ZCCHC7: variants seen among roughly 807,000 people sequenced by gnomAD.
The protein encoded by ZCCHC7 is zinc finger CCHC-type containing 7.
In ZCCHC7, 35 loss-of-function variants were observed where a neutral mutation model predicts 52.0. The ratio of observed to expected loss-of-function variants is 0.67; its 90% CI spans 0.51 to 0.89. The LOEUF is 0.89. Among genes scored for constraint, ZCCHC7 ranks in the 40% least tolerant of loss-of-function variants. The pLI is 0.00. For missense variants in ZCCHC7, 574 were observed against 649.1 expected (o/e 0.88, Z 1.26); for synonymous variants, 217 against 221.5 (o/e 0.98, Z 0.18).
rs530742036 is a variant in ZCCHC7, at chr9:37,199,662, G to C, written c.610+72720G>C. Among the ~76,000 whole-genome samples, 1,136 of 124,412 alleles carry C rather than the reference G, an allele frequency of 9.1e-3. 15 individuals carry two copies. The highest frequency in any genetic ancestry group is 0.035 in the African/African-American group (1,070 of 30,200). The allele number at this position is 124,412 out of a possible 152,430, so 81.6% of individuals were successfully genotyped here. Reference sequence around the variant, plus strand: ...TGTTTCTTTTTCTGTCTGTCTGTCTGTCTGTCTTTCTCTCTGTCTGTCTGT... The same window carrying C: ...TGTTTCTTTTTCTGTCTGTCTGTCTCTCTGTCTTTCTCTCTGTCTGTCTGT... On this transcript the variant is annotated intron_variant, in intron 2 of 8. Transcript: ENST00000336755.
At chr9:37,220,890 A>G (rs952569559) in intron 2 of ZCCHC7, among the ~76,000 whole-genome samples, 1 of 152,194 alleles carries the variant, frequency 6.6e-6, no homozygotes, top group African/African-American at 2.4e-5. Context: ...TCTGGGGGCA[A>G]TTTTGTGAAG....
At position 37,147,887 on chromosome 9, in the gene ZCCHC7, T is replaced by A. The variant is rs1158169699; in HGVS notation, c.610+20945T>A. ...ACATTATAACATATTGGAGGTTGAT[T>A]GAAAGGGAGTTTTTGCCTCCATTTT... is the stretch of plus-strand genomic sequence containing the variant. On this transcript the variant is annotated intron_variant, in intron 2 of 8. Transcript: ENST00000336755. 2.0e-5 allele frequency among the ~76,000 whole-genome samples: 3 copies of A among 152,112 alleles called. No individual in the cohort carries two copies. The South Asian group carries it at 6.2e-4, about 31-fold the overall frequency.
chr9:37,253,796 A>G (rs758637049), intron 2 of ZCCHC7, among the ~76,000 whole-genome samples: 36 of 152,136 alleles, frequency 2.4e-4, no homozygotes, highest in Non-Finnish European at 5.2e-4. Context: ...ATAGATATGA[A>G]TGTTACCTCC....
chr9:37,178,026 T>C (rs1439941753), intron 2 of ZCCHC7, among the ~76,000 whole-genome samples: 1 of 152,200 alleles, frequency 6.6e-6, no homozygotes, highest in African/African-American at 2.4e-5. Context: ...ACCATACTAA[T>C]GTAAGATGTC....
At chr9:37,241,459 C>T (rs1421411054) in intron 2 of ZCCHC7, among the ~76,000 whole-genome samples, 1 of 151,658 alleles carries the variant, frequency 6.6e-6, no homozygotes, top group Admixed American at 6.6e-5. Context: ...CATATTTCAG[C>T]TAAAACATAC....
At chr9:37,278,014 T>G (rs553304610) in intron 2 of ZCCHC7, among the ~76,000 whole-genome samples, 85 of 145,030 alleles carry the variant, frequency 5.9e-4, no homozygotes, top group African/African-American at 1.7e-3. Flanking sequence ...GTTTTTTTGT[T>G]TGTGTGTGTG....
At chr9:37,149,959 A>G (rs1340995627) in intron 2 of ZCCHC7, among the ~76,000 whole-genome samples, 2 of 152,220 alleles carry the variant, frequency 1.3e-5, no homozygotes, top group African/African-American at 4.8e-5. Flanking sequence ...TGCTTGACGC[A>G]AACATTTTTA....
intron 6 of ZCCHC7, among the ~76,000 whole-genome samples, chr9:37,329,872 T>C (rs1830388232): frequency 6.6e-6 from 1 of 151,842 alleles, no homozygotes; most frequent in African/African-American, 2.4e-5. Flanking sequence ...TTACTACTTA[T>C]TCATTTAAAC....
At chr9:37,245,171 TTGAG>T (rs1288239687) in intron 2 of ZCCHC7, among the ~76,000 whole-genome samples, 1 of 151,900 alleles carries the variant, frequency 6.6e-6, no homozygotes, top group African/African-American at 2.4e-5. Flanking sequence ...TTGGCATAAA[TTGAG>T]TAACTTTAAA....
intron 2 of ZCCHC7, among the ~76,000 whole-genome samples, chr9:37,269,618 C>CAAAAAAAAAAAAAAAAAAAAAA (rs1170865355): frequency 4.4e-4 from 12 of 27,230 alleles, no homozygotes; most frequent in Non-Finnish European, 8.7e-4. Flanking sequence ...GACTCTGTCT[C>CAAAAAAAAAAAAAAAAAAAAAA]AAAAAAAAAA....
intron 5 of ZCCHC7, among the ~76,000 whole-genome samples, chr9:37,308,634 T>A (rs1829448048): frequency 6.6e-6 from 1 of 152,124 alleles, no homozygotes; most frequent in African/African-American, 2.4e-5. Context: ...ATTAAAATCA[T>A]GGTATGCTCC....
intron 6 of ZCCHC7, among the ~76,000 whole-genome samples, chr9:37,348,342 A>T (rs950346573): frequency 7.0e-5 from 7 of 99,624 alleles, no homozygotes; most frequent in Admixed American, 9.7e-5. Flanking sequence ...AAGTGATACC[A>T]GTTCGTTCTT....
At chr9:37,295,881 A>G (rs762015797) in intron 2 of ZCCHC7, among the ~76,000 whole-genome samples, 2 of 152,318 alleles carry the variant, frequency 1.3e-5, no homozygotes, top group East Asian at 1.9e-4. Context: ...TGGGTAAAGT[A>G]TGGAGTATAC....
intron 2 of ZCCHC7, chr9:37,160,324 A>T (rs569297763): frequency 1.3e-5 from 2 of 152,248 alleles, no homozygotes; most frequent in Non-Finnish European, 2.9e-5. Context: ...AGCCCAGGCA[A>T]CATAGCGAGA....
Position 37,299,866 on chromosome 9 carries a change from TAAAC to T in ZCCHC7, c.611-2319_611-2316del, listed in dbSNP as rs370668957. The stretch of plus-strand genomic sequence containing the variant: ...AGGAGTTGTTAGTACAGTTGACCCT[TAAAC>T]AACACGGGTTCGAACTTCATAGGTC... On this transcript the variant is annotated intron_variant, in intron 2 of 8. Coordinates refer to ENST00000336755, the MANE Select transcript of ZCCHC7 (RefSeq NM_032226.3). Among the ~76,000 whole-genome samples the T allele has an allele frequency of 3.1e-4, 47 of 152,344 alleles. No homozygotes were observed. In the East Asian group the frequency reaches 6.2e-3, roughly 20 times the overall value.
intron 2 of ZCCHC7, among the ~76,000 whole-genome samples, chr9:37,174,380 C>T (rs142467373): frequency 1.2e-4 from 19 of 152,120 alleles, no homozygotes; most frequent in Admixed American, 7.8e-4. Context: ...CTATCAATAC[C>T]GTGTGAGTGC....
chr9:37,324,397 T>G (rs1027190128), intron 5 of ZCCHC7, among the ~76,000 whole-genome samples: 1 of 152,232 alleles, frequency 6.6e-6, no homozygotes, highest in Non-Finnish European at 1.5e-5. Flanking sequence ...ATTCTGTTAT[T>G]GTATGCTTGG....
chr9:37,166,997 G>A (rs546103462), intron 2 of ZCCHC7, among the ~76,000 whole-genome samples: 1 of 152,252 alleles, frequency 6.6e-6, no homozygotes, highest in South Asian at 2.1e-4. Context: ...TCCTGCGTAA[G>A]AATGCCATTT....
At chr9:37,178,039 T>C (rs545284229) in intron 2 of ZCCHC7, among the ~76,000 whole-genome samples, 9 of 152,336 alleles carry the variant, frequency 5.9e-5, no homozygotes, top group African/African-American at 2.2e-4. Flanking sequence ...AAGATGTCAC[T>C]ATTATAGGGG....
Sources: gnomAD v4.1 joint callset for allele counts (sites outside exome capture counted in the v4.1 genomes callset) on GRCh38, gnomAD v4.1.1 for gene constraint, MANE v1.5 for transcripts, NCBI Gene and HGNC (gene_info 2026-07-23, HGNC 2026-07-21) for gene names.